LRRC1: variants seen among roughly 807,000 people sequenced by gnomAD.
The protein encoded by LRRC1 is leucine-rich repeat-containing protein 1.
A neutral mutation model predicts 69.9 loss-of-function variants in LRRC1; 28 were observed. The observed-to-expected ratio is 0.40, with a 90% CI of 0.30 to 0.55. The LOEUF is 0.55. Ranked by LOEUF, LRRC1 falls within the 20% of genes least tolerant of loss-of-function variation. LRRC1 has a pLI of 0.47. For missense variants in LRRC1, 498 were observed against 609.0 expected (o/e 0.82, Z 1.92); for synonymous variants, 236 against 240.2 (o/e 0.98, Z 0.16).
In LRRC1 at chr6:53,882,839, C is replaced by G. The variant is rs1193094306; in HGVS notation, c.357-48C>G. ...ATATTTATGCTTGGTATACACTATA[C>G]ATGAACTTTTTTAATTTACAGCGTT... is the stretch of plus-strand genomic sequence containing the variant. On this transcript the variant is annotated intron_variant, in intron 3 of 13. Coordinates refer to ENST00000370888, the MANE Select transcript of LRRC1 (RefSeq NM_018214.5). 6 of 1,178,370 alleles carry G rather than the reference C, an allele frequency of 5.1e-6. No individual in the cohort carries two copies. In the African/African-American group the frequency reaches 9.2e-5, roughly 18 times the overall value. The allele number at this position is 1,178,370 out of a possible 1,614,324, so 73.0% of individuals were successfully genotyped here. A position where few individuals can be genotyped will look rare whatever the true frequency, so the allele number is the denominator to read the frequency against.
At chr6:53,900,602 C>CT (rs1562066764) in intron 8 of LRRC1, among the ~76,000 whole-genome samples, 4 of 152,166 alleles carry the variant, frequency 2.6e-5, no homozygotes, top group African/African-American at 9.7e-5. Flanking sequence ...AAATGACTGA[C>CT]TTATTCCATG....
chr6:53,899,046 A>C (rs1363496614), intron 7 of LRRC1, among the ~76,000 whole-genome samples: 1 of 152,206 alleles, frequency 6.6e-6, no homozygotes, highest in Non-Finnish European at 1.5e-5. Context: ...GTAAAGGAGT[A>C]ATGAGGTTAA....
intron 2 of LRRC1, among the ~76,000 whole-genome samples, chr6:53,876,003 C>T (rs528657354): frequency 1.6e-3 from 245 of 152,168 alleles, no homozygotes; most frequent in African/African-American, 5.5e-3. Flanking sequence ...CACCACGGAC[C>T]GGTTTTGTGG....
chr6:53,912,043 T>C lies in LRRC1; in HGVS notation c.991-1811T>C, dbSNP rs186743089. On this transcript the variant is annotated intron_variant, in intron 10 of 13. Coordinates refer to ENST00000370888, the MANE Select transcript of LRRC1 (RefSeq NM_018214.5). ...ACTGCTACACATAGAGGCAGATAAC[T>C]TTTAAGTAGAGGTCTTTCACAAGTA... Among the ~76,000 whole-genome samples, 150 of 152,286 alleles carry C rather than the reference T, an allele frequency of 9.8e-4. 1 individual carries two copies. The highest frequency in any genetic ancestry group is 7.2e-3 in the Admixed American group (110 of 15,296).
At chr6:53,857,692 T>G (rs1393486664) in intron 2 of LRRC1, among the ~76,000 whole-genome samples, 1 of 152,210 alleles carries the variant, frequency 6.6e-6, no homozygotes, top group Non-Finnish European at 1.5e-5. Flanking sequence ...AAGTTTCCGT[T>G]GGATCTGGCA....
At chr6:53,796,484 A>G (rs1229597723) in intron 1 of LRRC1, among the ~76,000 whole-genome samples, 1 of 152,176 alleles carries the variant, frequency 6.6e-6, no homozygotes, top group Non-Finnish European at 1.5e-5. Context: ...TTGGAACGCA[A>G]ACTTCTTGTT....
At chr6:53,803,919 ATCTGGAGGGC>A (rs928967009) in intron 1 of LRRC1, among the ~76,000 whole-genome samples, 10 of 152,128 alleles carry the variant, frequency 6.6e-5, no homozygotes, top group African/African-American at 2.2e-4. Context: ...GGAAGAGATA[ATCTGGAGGGC>A]TGTCCACTGG....
intron 1 of LRRC1, among the ~76,000 whole-genome samples, chr6:53,839,993 T>G (rs1177975347): frequency 1.3e-5 from 2 of 152,178 alleles, no homozygotes; most frequent in Non-Finnish European, 2.9e-5. Context: ...ATTGCTGCAG[T>G]GTAGATGGGT....
chr6:53,887,475 C>T (rs139564593), intron 4 of LRRC1, among the ~76,000 whole-genome samples: 105 of 151,960 alleles, frequency 6.9e-4, no homozygotes, highest in Middle Eastern at 3.4e-3. Flanking sequence ...CTGACAGTCT[C>T]GGTGGGGTAG....
chr6:53,851,809 A>AAAGAGGACAGGGT (rs1385619105), intron 2 of LRRC1, among the ~76,000 whole-genome samples: 5 of 152,340 alleles, frequency 3.3e-5, no homozygotes, highest in Non-Finnish European at 7.4e-5. Context: ...ATGCCTGTCC[A>AAAGAGGACAGGGT]AAGAGGACAG....
At chr6:53,816,689 G>A (rs1348696157) in intron 1 of LRRC1, among the ~76,000 whole-genome samples, 1 of 148,826 alleles carries the variant, frequency 6.7e-6, no homozygotes, top group Non-Finnish European at 1.5e-5. Context: ...AGGATACTTT[G>A]TAAACTGAAT....
chr6:53,907,148 A>G (rs190287501), intron 10 of LRRC1, among the ~76,000 whole-genome samples: 9 of 152,318 alleles, frequency 5.9e-5, no homozygotes, highest in African/African-American at 1.2e-4. Flanking sequence ...TCTGCCTCCA[A>G]GCTTGATGCC....
rs1279041474 is a variant in LRRC1 at position 53,795,235 on chromosome 6, C to T, written c.-22C>T. 3.8e-6 allele frequency: 6 copies of T among 1,589,714 alleles called. No homozygotes were observed. The highest frequency in any genetic ancestry group is 5.1e-6 in the Non-Finnish European group (6 of 1,171,176). ...CGGGTCTCCGCCGCTCGGGACCCGG[C>T]TAGGCGGCGGCGGGGGCGGCGATGT... On this transcript the variant is annotated 5_prime_UTR_variant, in exon 1 of 14. Coordinates refer to ENST00000370888, the MANE Select transcript of LRRC1 (RefSeq NM_018214.5).
chr6:53,883,978 C>T (rs1273168075), intron 4 of LRRC1: 4 of 717,898 alleles, frequency 5.6e-6, no homozygotes, highest in Admixed American at 2.0e-5. Flanking sequence ...GACACCTGTT[C>T]AGCCAGCAAG....
chr6:53,869,762 T>C (rs1044248066), intron 2 of LRRC1, among the ~76,000 whole-genome samples: 20 of 151,624 alleles, frequency 1.3e-4, no homozygotes, highest in African/African-American at 4.8e-4. Flanking sequence ...TAATTAAAAC[T>C]GTAACAGATC....
intron 1 of LRRC1, among the ~76,000 whole-genome samples, chr6:53,824,841 T>C (rs1293693657): frequency 1.3e-5 from 2 of 152,198 alleles, no homozygotes; most frequent in African/African-American, 2.4e-5. Flanking sequence ...AGTTTTTCAG[T>C]TCCTTTGATA....
At chr6:53,886,416 C>G (rs367923514) in intron 4 of LRRC1, among the ~76,000 whole-genome samples, 4 of 151,954 alleles carry the variant, frequency 2.6e-5, no homozygotes, top group Non-Finnish European at 5.9e-5. Context: ...TTTTGGAGAA[C>G]CAGTGAGGGA....
intron 4 of LRRC1, among the ~76,000 whole-genome samples, chr6:53,891,372 AAAAAT>A (rs1205249760): frequency 1.3e-5 from 2 of 152,222 alleles, no homozygotes; most frequent in African/African-American, 2.4e-5. Context: ...TTCTAGTTAA[AAAAAT>A]AAAGGTATCC....
intron 4 of LRRC1, among the ~76,000 whole-genome samples, chr6:53,891,243 G>C (rs945063128): frequency 1.3e-5 from 2 of 152,088 alleles, no homozygotes; most frequent in Non-Finnish European, 1.5e-5. Context: ...TTGACAGGGA[G>C]GATAGAAAGT....
Sources: gnomAD v4.1 joint callset for allele counts (sites outside exome capture counted in the v4.1 genomes callset) on GRCh38, gnomAD v4.1.1 for gene constraint, MANE v1.5 for transcripts, NCBI Gene and HGNC (gene_info 2026-07-23, HGNC 2026-07-21) for gene names.